The following GARNL3 variants were observed in gnomAD, a reference collection of about 807,000 sequenced individuals.
GARNL3 encodes the protein GTPase-activating Rap/Ran-GAP domain-like protein 3.
In GARNL3, 63 loss-of-function variants were observed where a neutral mutation model predicts 125.0. The observed-to-expected ratio is 0.50, with a 90% CI of 0.41 to 0.62. The LOEUF (loss-of-function observed/expected upper bound fraction) is 0.62, where lower values mean the gene tolerates loss of function less well. Among genes scored for constraint, GARNL3 ranks in the 20% least tolerant of loss-of-function variants. GARNL3 has a pLI of 0.00. For synonymous variants in GARNL3, 439 were observed against 457.5 expected, an observed-to-expected ratio of 0.96 and a Z score of 0.52; for missense variants, 994 against 1,244.0, an observed-to-expected ratio of 0.80 and a Z score of 3.02.
intron 1 of GARNL3, among the ~76,000 whole-genome samples, chr9:127,284,769 A>T (rs2064200165): frequency 6.7e-6 from 1 of 148,770 alleles, no homozygotes; most frequent in African/African-American, 2.5e-5. Context: ...GCATATAAAT[A>T]AATTTATACA....
In GARNL3 at chr9:127,290,300, T is replaced by C. The variant is rs77849929; in HGVS notation, c.145-868T>C. 2.6e-5 allele frequency among the ~76,000 whole-genome samples: 4 copies of C among 152,342 alleles called. No individual in the cohort carries two copies. In the East Asian group the frequency reaches 5.8e-4, roughly 22 times the overall value. ...TTCCCTAAATTTTTTCTATTAATTTTTATACCATCGTATCTCTTAAGCACT... is the reference window on the plus strand; with the variant it reads ...TTCCCTAAATTTTTTCTATTAATTTCTATACCATCGTATCTCTTAAGCACT... On this transcript the variant is annotated intron_variant, in intron 1 of 27. Transcript: ENST00000373387.
chr9:127,336,274 C>CTG, intron 11 of GARNL3, 38 bp downstream of exon 11: 1 of 1,449,704 alleles, frequency 6.9e-7, no homozygotes, highest in Non-Finnish European at 9.7e-7. Context: ...GTGTGGCAAG[C>CTG]TGTGGTTCAG....
At chr9:127,300,260 T>A (rs1234653752) in intron 2 of GARNL3, 3 of 266,564 alleles carry the variant, frequency 1.1e-5, no homozygotes, top group East Asian at 1.1e-4. Context: ...TGTGCTTTTT[T>A]AAGATCAATT....
At chr9:127,260,290 G>A (rs1001932927), upstream of GARNL3, among the ~76,000 whole-genome samples, 18 of 152,198 alleles carry the variant, frequency 1.2e-4, no homozygotes, top group African/African-American at 4.3e-4. Flanking sequence ...TCTGGAAAAG[G>A]AATATGTTTC....
chr9:127,382,451 G>GAAAA (rs899696705), intron 22 of GARNL3, among the ~76,000 whole-genome samples: 8 of 147,502 alleles, frequency 5.4e-5, no homozygotes, highest in African/African-American at 2.0e-4. Flanking sequence ...TGTCTCTACT[G>GAAAA]AAAAAAAAAA....
chr9:127,376,780 C>A (rs1831942063), intron 22 of GARNL3, among the ~76,000 whole-genome samples: 1 of 151,808 alleles, frequency 6.6e-6, no homozygotes, highest in Admixed American at 6.6e-5. Context: ...GGCAGAAAAC[C>A]TGACTGAGTC....
rs141574849 is a variant in GARNL3, at chr9:127,230,103, C to G, written c.-29+5765C>G. ...CACTTGCCCTGGATGTGTTTGCCAT[C>G]ATTTTGTAGGAAGGCACATCAGATA... is the stretch of plus-strand genomic sequence containing the variant. On this transcript the variant is annotated intron_variant, in intron 1 of 10. Transcript: ENST00000439286. Among the ~76,000 whole-genome samples, 418 of 152,306 alleles carry G rather than the reference C, an allele frequency of 2.7e-3. 1 individual carries two copies. Among genetic ancestry groups the G allele is most frequent in the African/African-American group, 9.6e-3 (398 of 41,562 alleles).
intron 2 of GARNL3, among the ~76,000 whole-genome samples, chr9:127,250,921 A>G (rs2063390329): frequency 2.0e-5 from 3 of 152,150 alleles, no homozygotes; most frequent in Admixed American, 2.0e-4. Context: ...CCCTGCAGGA[A>G]TAACTGCTAA....
intron 2 of GARNL3, among the ~76,000 whole-genome samples, chr9:127,305,552 T>C (rs1162222584): frequency 6.6e-6 from 1 of 151,910 alleles, no homozygotes; most frequent in African/African-American, 2.4e-5. Flanking sequence ...TAGGTAACTT[T>C]TATTTTAATT....
intron 1 of GARNL3, among the ~76,000 whole-genome samples, chr9:127,271,454 G>C (rs1228275536): frequency 3.3e-5 from 5 of 150,268 alleles, no homozygotes; most frequent in Admixed American, 1.3e-4. Flanking sequence ...AAGCCTCTTT[G>C]ATTCCCCCCT....
At chr9:127,357,464 T>C in intron 21 of GARNL3, 87 bp downstream of exon 21, 3 of 1,324,228 alleles carry the variant, frequency 2.3e-6, no homozygotes, top group Non-Finnish European at 1.0e-6. Context: ...ATGATTTGGA[T>C]TTCTTTAAAA....
intron 1 of GARNL3, among the ~76,000 whole-genome samples, chr9:127,241,274 TTAAAA>T (rs2063198959): frequency 6.6e-6 from 1 of 152,184 alleles, no homozygotes; most frequent in African/African-American, 2.4e-5. Flanking sequence ...ATCTTTGTAA[TTAAAA>T]TAAATCTGGG....
intron 24 of GARNL3, 33 bp from the exon 25 acceptor site, chr9:127,387,160 G>C (rs375908755): frequency 5.6e-6 from 9 of 1,599,030 alleles, no homozygotes; most frequent in African/African-American, 2.7e-5. Context: ...TAGAACACCA[G>C]GCAGCCCGGT....
chr9:127,339,544 T>G, intron 12 of GARNL3, 101 bp from the exon 13 acceptor site: 1 of 797,248 alleles, frequency 1.3e-6, no homozygotes. Flanking sequence ...ACCCATGGCA[T>G]GTGGGAATTC....
chr9:127,246,673 G>A (rs574640698), intron 2 of GARNL3, among the ~76,000 whole-genome samples: 1 of 152,266 alleles, frequency 6.6e-6, no homozygotes, highest in East Asian at 1.9e-4. Context: ...CAGGTGGGGT[G>A]ACATGTGCCT....
At chr9:127,297,394 C>T (rs1022223502) in intron 2 of GARNL3, among the ~76,000 whole-genome samples, 3 of 152,254 alleles carry the variant, frequency 2.0e-5, no homozygotes, top group Non-Finnish European at 4.4e-5. Context: ...CCACCTCAGC[C>T]TCCCAAAGTT....
chr9:127,368,631 C>T (rs767842687), intron 22 of GARNL3, among the ~76,000 whole-genome samples: 2 of 151,048 alleles, frequency 1.3e-5, no homozygotes, highest in Non-Finnish European at 3.0e-5. Context: ...GTGCCCACCC[C>T]GAAATGCATT....
At chr9:127,244,197 A>T (rs2063254255) in intron 2 of GARNL3, among the ~76,000 whole-genome samples, 1 of 152,208 alleles carries the variant, frequency 6.6e-6, no homozygotes, top group Non-Finnish European at 1.5e-5. Flanking sequence ...CCAGGGAGAC[A>T]GACAAGTCAC....
intron 7 of GARNL3, among the ~76,000 whole-genome samples, chr9:127,331,871 G>A (rs1023924719): frequency 6.6e-6 from 1 of 151,920 alleles, no homozygotes; most frequent in Non-Finnish European, 1.5e-5. Context: ...ATTATGTTAA[G>A]CTTTGAATTA....
Sources: allele counts gnomAD v4.1 joint callset (sites outside exome capture counted in the v4.1 genomes callset), GRCh38; gene constraint gnomAD v4.1.1; transcripts MANE v1.5; gene names NCBI Gene and HGNC (gene_info 2026-07-23, HGNC 2026-07-21).